The following GPR89B variants were observed in gnomAD, a reference collection of about 807,000 sequenced individuals.
The protein encoded by GPR89B is golgi pH regulator B.
In GPR89B, 25 loss-of-function variants were observed where a neutral mutation model predicts 52.4. The observed-to-expected ratio is 0.48, with a 90% confidence interval of 0.35 to 0.67. The LOEUF (loss-of-function observed/expected upper bound fraction) is 0.67, where lower values mean the gene tolerates loss of function less well. GPR89B is among the 30% of genes least tolerant of loss of function. The pLI is 0.01. For missense variants in GPR89B, 146 were observed against 450.2 expected (o/e 0.32, Z 6.11); for synonymous variants, 52 against 151.2 (o/e 0.34, Z 4.81).
intron 7 of GPR89B, among the ~76,000 whole-genome samples, chr1:147,955,310 C>A (rs1383430099): frequency 1.3e-5 from 2 of 152,004 alleles, no homozygotes; most frequent in Non-Finnish European, 2.9e-5. Context: ...TCTGTTGCTG[C>A]ACATATAGAT....
chr1:148,020,064 G>A, the GPR89B span, among the ~76,000 whole-genome samples: 54 of 151,102 alleles, frequency 3.6e-4, no homozygotes, highest in Non-Finnish European at 5.4e-4. Context: ...CCTTTTTGGG[G>A]AAAGTACTGA....
At chr1:147,930,763 T>C in intron 1 of GPR89B, among the ~76,000 whole-genome samples, 1 of 151,618 alleles carries the variant, frequency 6.6e-6, no homozygotes, top group Non-Finnish European at 1.5e-5. Context: ...CCCTTATTGA[T>C]GGGACCCTGG....
chr1:147,962,932 T>A (rs1246258209), intron 7 of GPR89B, among the ~76,000 whole-genome samples: 1 of 142,272 alleles, frequency 7.0e-6, no homozygotes, highest in African/African-American at 2.6e-5. Flanking sequence ...TAGACTAAAA[T>A]GTAAAACTAT....
intron 5 of GPR89B, among the ~76,000 whole-genome samples, chr1:147,950,392 C>T (rs1263281621): frequency 2.7e-5 from 4 of 149,626 alleles, no homozygotes; most frequent in African/African-American, 7.4e-5. Flanking sequence ...CGGGAAGAGG[C>T]GCTCCTCACT....
chr1:147,966,209 C>T (rs1208369861), intron 7 of GPR89B, among the ~76,000 whole-genome samples: 13 of 151,844 alleles, frequency 8.6e-5, no homozygotes, highest in East Asian at 5.8e-4. Flanking sequence ...CTATGTATAG[C>T]GCCTTGTAGT....
downstream of GPR89B, among the ~76,000 whole-genome samples, chr1:147,994,681 A>G (rs1407090115): frequency 6.6e-6 from 1 of 152,292 alleles, no homozygotes; most frequent in Non-Finnish European, 1.5e-5. Flanking sequence ...TTTCTTTTGT[A>G]TAAGACTAGG....
chr1:147,986,388 C>T (rs1351772294), intron 11 of GPR89B, 94 bp downstream of exon 11: 49 of 1,503,898 alleles, frequency 3.3e-5, no homozygotes, highest in Non-Finnish European at 4.2e-5. Flanking sequence ...ACTTTAGGTA[C>T]TTGCTTCTGC....
At chr1:148,012,039 T>G in the GPR89B span, 1 of 151,234 alleles carries the variant, frequency 6.6e-6, no homozygotes, top group Admixed American at 6.6e-5. Flanking sequence ...GTTTGGAGAG[T>G]TTTTTTTTCT....
intron 3 of GPR89B, 109 bp from the exon 4 acceptor site, chr1:147,943,329 A>T (rs1654701954): frequency 1.3e-6 from 2 of 1,552,090 alleles, no homozygotes; most frequent in Non-Finnish European, 1.7e-6. Context: ...ATTAGATAGG[A>T]TATATTCAAT....
the GPR89B span, among the ~76,000 whole-genome samples, chr1:148,000,898 G>A: frequency 3.6e-5 from 5 of 139,814 alleles, no homozygotes; most frequent in Non-Finnish European, 7.8e-5. Flanking sequence ...TGGTCTATCT[G>A]TGTTTCTTTT....
intron 5 of GPR89B, among the ~76,000 whole-genome samples, chr1:147,949,618 G>A (rs1180384066): frequency 7.2e-6 from 1 of 139,190 alleles, no homozygotes; most frequent in Non-Finnish European, 1.5e-5. Context: ...TGACGGGGCG[G>A]GGGGCTGACC....
At chr1:147,930,972 C>T (rs1451661500) in intron 1 of GPR89B, among the ~76,000 whole-genome samples, 1 of 152,136 alleles carries the variant, frequency 6.6e-6, no homozygotes, top group Non-Finnish European at 1.5e-5. Context: ...CTAGACTGGA[C>T]TAGATGTCCC....
the GPR89B span, among the ~76,000 whole-genome samples, chr1:148,023,048 G>A: frequency 1.2e-3 from 180 of 151,960 alleles, 5 homozygotes; most frequent in African/African-American, 4.2e-3. Context: ...CAGGTAGTTC[G>A]CATAGTACCC....
chr1:147,943,590 T>C (rs587661889), intron 4 of GPR89B, 46 bp downstream of exon 4: 2 of 1,599,212 alleles, frequency 1.3e-6, no homozygotes, highest in South Asian at 2.2e-5. Flanking sequence ...GAGATGAGTA[T>C]TTGAGGGGAC....
intron 5 of GPR89B, 25 bp downstream of exon 5, chr1:147,944,123 G>A: frequency 6.3e-7 from 1 of 1,590,764 alleles, no homozygotes; most frequent in East Asian, 2.3e-5. Context: ...GAGGGCAGAG[G>A]AAGTGGGGGG....
chr1:148,024,775 C>T, the GPR89B span: 1 of 151,114 alleles, frequency 6.6e-6, no homozygotes, highest in Admixed American at 6.6e-5. Flanking sequence ...CATTCAGCCT[C>T]ACAAAAATCT....
At chr1:148,017,780 T>TAAAA in the GPR89B span, among the ~76,000 whole-genome samples, 1 of 151,180 alleles carries the variant, frequency 6.6e-6, no homozygotes, top group Non-Finnish European at 1.5e-5. Flanking sequence ...TAAAATAAAG[T>TAAAA]TAACACCCCT....
At chr1:148,010,015 C>T in the GPR89B span, 1 of 179,460 alleles carries the variant, frequency 5.6e-6, no homozygotes, top group Non-Finnish European at 1.1e-5. Flanking sequence ...ATTACTGAAC[C>T]ATCAGTGTTC....
the GPR89B span, among the ~76,000 whole-genome samples, chr1:148,014,252 T>C: frequency 6.6e-6 from 1 of 151,764 alleles, no homozygotes; most frequent in Non-Finnish European, 1.5e-5. Context: ...TGGTCAAGGC[T>C]TTTTTGCTAT....
Sources: gnomAD v4.1 joint callset for allele counts (sites outside exome capture counted in the v4.1 genomes callset) on GRCh38, gnomAD v4.1.1 for gene constraint, MANE v1.5 for transcripts, NCBI Gene and HGNC (gene_info 2026-07-23, HGNC 2026-07-21) for gene names.